Variants in HS3ST5 observed in about 807,000 individuals in gnomAD.
The protein encoded by HS3ST5 is heparan sulfate glucosamine 3-O-sulfotransferase 5.
HS3ST5 carries 10 observed loss-of-function variants against 25.4 expected under a neutral mutation model. That is an observed-to-expected ratio of 0.39 (90% confidence interval 0.24 to 0.67). HS3ST5 has a LOEUF of 0.67. Among genes scored for constraint, HS3ST5 ranks in the 30% least tolerant of loss-of-function variants. The pLI, the probability that HS3ST5 is intolerant of heterozygous loss-of-function variation, is 0.44. For synonymous variants in HS3ST5, 170 were observed against 162.4 expected (o/e 1.05, Z -0.36); for missense variants, 324 against 420.7 (o/e 0.77, Z 2.01).
intron 3 of HS3ST5, among the ~76,000 whole-genome samples, chr6:114,139,016 G>A (rs963623752): frequency 2.0e-5 from 3 of 152,100 alleles, no homozygotes; most frequent in Non-Finnish European, 4.4e-5. Context: ...TCCTCACCTT[G>A]GAGTTAGGAT....
At chr6:114,228,455 A>G (rs1175836063) in intron 2 of HS3ST5, 130 bp downstream of exon 2, 2 of 152,144 alleles carry the variant, frequency 1.3e-5, no homozygotes, top group Admixed American at 1.3e-4. Flanking sequence ...GGAACTACAC[A>G]TACATGGATA....
intron 2 of HS3ST5, among the ~76,000 whole-genome samples, chr6:114,207,647 G>A (rs1781331183): frequency 6.6e-6 from 1 of 151,746 alleles, no homozygotes; most frequent in Admixed American, 6.6e-5. Flanking sequence ...AACTGACTTT[G>A]GTTGGACAAA....
intron 1 of HS3ST5, among the ~76,000 whole-genome samples, chr6:114,321,322 C>G (rs148941188): frequency 6.6e-6 from 1 of 151,996 alleles, no homozygotes; most frequent in Non-Finnish European, 1.5e-5. Context: ...CTGAAATTTC[C>G]TGTCCTCTTT....
chr6:114,302,308 T>C (rs1172831721), intron 1 of HS3ST5, among the ~76,000 whole-genome samples: 3 of 152,202 alleles, frequency 2.0e-5, no homozygotes, highest in Non-Finnish European at 4.4e-5. Flanking sequence ...CTGAAAGCCA[T>C]TGCAAATTAT....
Position 114,285,211 on chromosome 6 carries a change from G to A in HS3ST5, c.-338-56433C>T, listed in dbSNP as rs369177423. Among the ~76,000 whole-genome samples the A allele has an allele frequency of 2.6e-5, 4 of 152,110 alleles. No homozygotes were observed. The East Asian group carries it at 5.8e-4, about 22-fold the overall frequency. ...TGTATTAAAAATGTGGTATATGCAT[G>A]TTTTCACTTATAAGTGGGAGCTGAA... On this transcript the variant is annotated intron_variant, in intron 1 of 4. Coordinates refer to ENST00000312719, the MANE Select transcript of HS3ST5 (RefSeq NM_153612.4).
intron 2 of HS3ST5, among the ~76,000 whole-genome samples, chr6:114,174,884 T>G (rs1779652827): frequency 1.3e-5 from 2 of 151,944 alleles, no homozygotes; most frequent in African/African-American, 4.8e-5. Flanking sequence ...TCCCAGCTAC[T>G]CAAGAGGCAG....
intron 3 of HS3ST5, among the ~76,000 whole-genome samples, chr6:114,081,973 T>TC (rs1774476342): frequency 6.6e-6 from 1 of 152,074 alleles, no homozygotes; most frequent in Non-Finnish European, 1.5e-5. Context: ...GTTTTCATCA[T>TC]CCCCCAAAAA....
chr6:114,189,283 C>A (rs1428414110), intron 2 of HS3ST5, among the ~76,000 whole-genome samples: 3 of 152,026 alleles, frequency 2.0e-5, no homozygotes, highest in Non-Finnish European at 4.4e-5. Context: ...TTTATGAAAT[C>A]TGAATTTTTG....
At chr6:114,335,254 A>G (rs1412490053) in intron 1 of HS3ST5, among the ~76,000 whole-genome samples, 1 of 151,726 alleles carries the variant, frequency 6.6e-6, no homozygotes, top group Admixed American at 6.6e-5. Context: ...ATGTATAAAG[A>G]CCTATACTGC....
At chr6:114,215,339 C>CA (rs1294060347) in intron 2 of HS3ST5, among the ~76,000 whole-genome samples, 1 of 151,944 alleles carries the variant, frequency 6.6e-6, no homozygotes, top group Non-Finnish European at 1.5e-5. Context: ...ACAACAGCAA[C>CA]AAAAAACTCA....
At chr6:114,098,664 A>G (rs974374265) in intron 3 of HS3ST5, among the ~76,000 whole-genome samples, 2 of 151,734 alleles carry the variant, frequency 1.3e-5, no homozygotes, top group Non-Finnish European at 2.9e-5. Context: ...AAGCAGCTAT[A>G]TAAACCGTAA....
chr6:114,310,465 T>C (rs1040216227), intron 1 of HS3ST5, among the ~76,000 whole-genome samples: 1 of 152,034 alleles, frequency 6.6e-6, no homozygotes, highest in African/African-American at 2.4e-5. Context: ...AATTGTATTA[T>C]AAACGGCAAA....
At position 114,256,345 on chromosome 6, in the gene HS3ST5, G is replaced by A. The variant is rs112367840; in HGVS notation, c.-338-27567C>T. Among the ~76,000 whole-genome samples the A allele has an allele frequency of 6.0e-5, 9 of 149,916 alleles. No homozygotes were observed. In the East Asian group the frequency reaches 7.9e-4, roughly 13 times the overall value. On this transcript the variant is annotated intron_variant, in intron 1 of 4. Coordinates refer to ENST00000312719, the MANE Select transcript of HS3ST5 (RefSeq NM_153612.4). ...AGAGCTTGCAGTGAGCCGAGATTGC[G>A]CCACTGCACTCCAGCCTGGAGGACA...
chr6:114,320,132 A>T (rs374941167), intron 1 of HS3ST5, among the ~76,000 whole-genome samples: 2 of 152,082 alleles, frequency 1.3e-5, no homozygotes, highest in East Asian at 1.9e-4. Flanking sequence ...AGGTGACTGC[A>T]CTGTTATTGG....
At chr6:114,307,298 C>T (rs1775336841) in intron 1 of HS3ST5, among the ~76,000 whole-genome samples, 1 of 151,782 alleles carries the variant, frequency 6.6e-6, no homozygotes, top group Non-Finnish European at 1.5e-5. Context: ...TTTCTCTGTC[C>T]TTCATGAGAA....
intron 3 of HS3ST5, among the ~76,000 whole-genome samples, chr6:114,068,149 T>C (rs1773576194): frequency 6.6e-6 from 1 of 152,182 alleles, no homozygotes. Flanking sequence ...TAAATAACTT[T>C]TAATGGAAAT....
At chr6:114,083,912 G>T (rs1380649903) in intron 3 of HS3ST5, among the ~76,000 whole-genome samples, 2 of 152,018 alleles carry the variant, frequency 1.3e-5, no homozygotes, top group Non-Finnish European at 2.9e-5. Flanking sequence ...ATTCTAGTTT[G>T]TTTCTTAGGA....
intron 1 of HS3ST5, among the ~76,000 whole-genome samples, chr6:114,247,972 G>A (rs1772456958): frequency 6.6e-6 from 1 of 151,806 alleles, no homozygotes; most frequent in South Asian, 2.1e-4. Context: ...GGCTGAGGCA[G>A]GTGGGTCACC....
intron 3 of HS3ST5, among the ~76,000 whole-genome samples, chr6:114,089,938 T>C (rs749857891): frequency 3.9e-5 from 6 of 152,244 alleles, no homozygotes; most frequent in Admixed American, 2.0e-4. Flanking sequence ...GAATAATTGT[T>C]AAACTGGCTT....
Sources: gnomAD v4.1 joint callset for allele counts (sites outside exome capture counted in the v4.1 genomes callset) on GRCh38, gnomAD v4.1.1 for gene constraint, MANE v1.5 for transcripts, NCBI Gene and HGNC (gene_info 2026-07-23, HGNC 2026-07-21) for gene names.